The following ROBO1 variants were observed in gnomAD, a reference collection of about 807,000 sequenced individuals.
ROBO1 encodes the protein roundabout guidance receptor 1.
Under a neutral mutation model 195.9 loss-of-function variants are expected in ROBO1, and 149 were observed. The observed-to-expected ratio is 0.76, with a 90% CI of 0.67 to 0.87. ROBO1 has a LOEUF of 0.87. Among genes scored for constraint, ROBO1 ranks in the 40% least tolerant of loss-of-function variants. The probability of loss-of-function intolerance (pLI) is 0.00; values close to 1 mark genes in which losing one functional copy is unlikely to be tolerated. For synonymous variants in ROBO1, 816 were observed against 733.2 expected (o/e 1.11, Z -1.82); for missense variants, 1,933 against 2,068.3 (o/e 0.93, Z 1.27).
intron 4 of ROBO1, among the ~76,000 whole-genome samples, chr3:78,926,692 A>C (rs757576382): frequency 2.6e-5 from 4 of 152,144 alleles, no homozygotes; most frequent in African/African-American, 4.8e-5. Context: ...AATCAGGACA[A>C]AATTGGTATG....
Position 79,447,973 on chromosome 3 carries a change from C to T in ROBO1, c.88+141851G>A, listed in dbSNP as rs1461570045. Among the ~76,000 whole-genome samples, 6 of 152,164 alleles carry T rather than the reference C, an allele frequency of 3.9e-5. No homozygotes were observed. The South Asian group carries it at 8.3e-4, about 21-fold the overall frequency. The stretch of plus-strand genomic sequence containing the variant: ...CTCCCACTACCTACTATTGTTGATA[C>T]TAACAATACTAACACTGCTAAGAAA... On this transcript the variant is annotated intron_variant, in intron 2 of 30. Transcript: ENST00000464233.
intron 8 of ROBO1, among the ~76,000 whole-genome samples, chr3:78,698,871 T>C (rs2081358030): frequency 6.6e-6 from 1 of 152,204 alleles, no homozygotes; most frequent in South Asian, 2.1e-4. Flanking sequence ...CTAAAAATAT[T>C]GTCACTTTCC....
chr3:79,473,232 C>T (rs1938378465), intron 2 of ROBO1, among the ~76,000 whole-genome samples: 1 of 152,022 alleles, frequency 6.6e-6, no homozygotes, highest in Non-Finnish European at 1.5e-5. Context: ...GTGACAGATA[C>T]AGAGAGAAGA....
At chr3:78,784,033 C>T (rs1021523933) in intron 4 of ROBO1, among the ~76,000 whole-genome samples, 1 of 151,820 alleles carries the variant, frequency 6.6e-6, no homozygotes, top group Non-Finnish European at 1.5e-5. Flanking sequence ...GGAAAGAGTA[C>T]ATAAGTAACT....
At chr3:79,052,015 C>A (rs1272176358) in intron 3 of ROBO1, among the ~76,000 whole-genome samples, 1 of 152,086 alleles carries the variant, frequency 6.6e-6, no homozygotes, top group Non-Finnish European at 1.5e-5. Context: ...GAAATCTGGG[C>A]ATCCTAAAAG....
At chr3:79,717,208 C>CTT (rs11401218) in intron 1 of ROBO1, among the ~76,000 whole-genome samples, 63 of 150,666 alleles carry the variant, frequency 4.2e-4, no homozygotes, top group African/African-American at 6.4e-4. Context: ...CTCAATAAAG[C>CTT]TTTTGTTTTT....
chr3:78,979,345 T>C (rs1188833068), intron 3 of ROBO1, among the ~76,000 whole-genome samples: 4 of 152,176 alleles, frequency 2.6e-5, no homozygotes, highest in Non-Finnish European at 4.4e-5. Context: ...TTGGAGCTAA[T>C]TAAAATGCAC....
intron 3 of ROBO1, among the ~76,000 whole-genome samples, chr3:79,113,783 T>G (rs1441983764): frequency 4.6e-5 from 7 of 152,088 alleles, no homozygotes; most frequent in Non-Finnish European, 1.0e-4. Context: ...AAAGTCAATT[T>G]TAAAGACTTG....
chr3:79,688,300 A>G (rs565472417), intron 1 of ROBO1, among the ~76,000 whole-genome samples: 185 of 151,832 alleles, frequency 1.2e-3, no homozygotes, highest in African/African-American at 4.3e-3. Context: ...GCACACCAAC[A>G]TGGCACATGT....
chr3:79,441,316 T>C (rs1053755904), intron 2 of ROBO1, among the ~76,000 whole-genome samples: 5 of 152,130 alleles, frequency 3.3e-5, no homozygotes, highest in Admixed American at 3.3e-4. Flanking sequence ...TGTTAGTTTC[T>C]TAGGTATTGA....
At chr3:79,221,643 TGC>T (rs1285757713) in intron 2 of ROBO1, among the ~76,000 whole-genome samples, 3 of 152,132 alleles carry the variant, frequency 2.0e-5, no homozygotes, top group Admixed American at 6.6e-5. Context: ...ATGAATAATG[TGC>T]CACTATACCA....
intron 2 of ROBO1, among the ~76,000 whole-genome samples, chr3:79,160,905 T>G (rs1317601183): frequency 6.6e-6 from 1 of 152,036 alleles, no homozygotes; most frequent in Non-Finnish European, 1.5e-5. Flanking sequence ...ACAAAGTCAT[T>G]TTTTACTATG....
intron 1 of ROBO1, among the ~76,000 whole-genome samples, chr3:79,688,283 G>C (rs1160887200): frequency 6.6e-6 from 1 of 151,524 alleles, no homozygotes; most frequent in East Asian, 2.0e-4. Context: ...ACGAGTTAAT[G>C]GGTGCAGCAC....
chr3:79,675,767 T>G lies in ROBO1; in HGVS notation c.-50-85806A>C, dbSNP rs567767215. Among the ~76,000 whole-genome samples, 6 of 152,198 alleles carry G rather than the reference T, an allele frequency of 3.9e-5. No individual in the cohort carries two copies. In the South Asian group the frequency reaches 1.2e-3, roughly 32 times the overall value. ...TCCATAAAATATTTACTAAATCTTT[T>G]TGATGCTTATGAAATTTCAAAAGAA... On this transcript the variant is annotated intron_variant, in intron 1 of 30. Transcript: ENST00000464233.
chr3:79,756,018 C>T (rs1704375031), intron 1 of ROBO1, among the ~76,000 whole-genome samples: 1 of 152,216 alleles, frequency 6.6e-6, no homozygotes, highest in Non-Finnish European at 1.5e-5. Context: ...CATCATACCT[C>T]ACCAGCTCTC....
chr3:79,305,923 T>C (rs2033196640), intron 2 of ROBO1, among the ~76,000 whole-genome samples: 1 of 152,128 alleles, frequency 6.6e-6, no homozygotes, highest in African/African-American at 2.4e-5. Context: ...TTGAAAAAAA[T>C]TGAAAAACTA....
At chr3:79,172,538 T>C (rs2081185994) in intron 2 of ROBO1, among the ~76,000 whole-genome samples, 1 of 152,210 alleles carries the variant, frequency 6.6e-6, no homozygotes, top group African/African-American at 2.4e-5. Flanking sequence ...TTATCACAGA[T>C]TGTCTTCAGC....
chr3:79,175,699 C>A (rs1318048083), intron 2 of ROBO1, among the ~76,000 whole-genome samples: 1 of 152,098 alleles, frequency 6.6e-6, no homozygotes, highest in African/African-American at 2.4e-5. Context: ...ATATATTCTT[C>A]TAAGACACAC....
At chr3:79,706,888 CTTGTTG>C (rs1461591763) in intron 1 of ROBO1, among the ~76,000 whole-genome samples, 1 of 151,998 alleles carries the variant, frequency 6.6e-6, no homozygotes, top group Non-Finnish European at 1.5e-5. Context: ...CTTTTTCTAC[CTTGTTG>C]AATTCAATTT....
Sources: gnomAD v4.1 joint callset for allele counts (sites outside exome capture counted in the v4.1 genomes callset) on GRCh38, gnomAD v4.1.1 for gene constraint, MANE v1.5 for transcripts, NCBI Gene and HGNC (gene_info 2026-07-23, HGNC 2026-07-21) for gene names.